The following CCDC171 variants were observed in gnomAD, a reference collection of about 807,000 sequenced individuals.
The protein encoded by CCDC171 is coiled-coil domain containing 171, also known as coiled-coil domain-containing protein 171.
Under a neutral mutation model 168.2 loss-of-function variants are expected in CCDC171, and 177 were observed. The ratio of observed to expected loss-of-function variants is 1.05; its 90% confidence interval spans 0.93 to 1.19. CCDC171 has a LOEUF of 1.19. CCDC171 is among the 50% of genes most tolerant of loss of function. The probability of loss-of-function intolerance (pLI) is 0.00; values close to 1 mark genes in which losing one functional copy is unlikely to be tolerated. For missense variants in CCDC171, 1,991 were observed against 1,539.0 expected, an observed-to-expected ratio of 1.29 and a Z score of -4.91; for synonymous variants, 687 against 540.8, an observed-to-expected ratio of 1.27 and a Z score of -3.75.
At chr9:15,644,911 G>C (rs374586532) in intron 7 of CCDC171, among the ~76,000 whole-genome samples, 16 of 152,318 alleles carry the variant, frequency 1.1e-4, no homozygotes, top group African/African-American at 3.8e-4. Context: ...TCCCAGCATG[G>C]AGTTTGAGAT....
chr9:15,808,037 A>C (rs1427504363), intron 21 of CCDC171, among the ~76,000 whole-genome samples: 1 of 151,912 alleles, frequency 6.6e-6, no homozygotes, highest in Non-Finnish European at 1.5e-5. Flanking sequence ...GGAAGGGTTA[A>C]TCTGGTTCCT....
At chr9:16,065,809 G>GGTGTGTGTGGGTGT (rs1833984260), downstream of CCDC171, among the ~76,000 whole-genome samples, 1 of 144,234 alleles carries the variant, frequency 6.9e-6, no homozygotes, top group African/African-American at 2.6e-5. Flanking sequence ...TTGTGTGCAT[G>GGTGTGTGTGGGTGT]GTGTGTGTGT....
intron 6 of CCDC171, among the ~76,000 whole-genome samples, chr9:15,612,762 T>C (rs955773836): frequency 2.6e-5 from 4 of 152,228 alleles, no homozygotes; most frequent in African/African-American, 9.6e-5. Context: ...TGCCATTCTT[T>C]GCAATTTCCT....
chr9:16,075,439 C>T, the CCDC171 span, among the ~76,000 whole-genome samples: 5,133 of 152,226 alleles, frequency 0.034, 274 homozygotes, highest in African/African-American at 0.11. Flanking sequence ...CTGTCTGTTA[C>T]GATAGATCTG....
intron 4 of CCDC171, among the ~76,000 whole-genome samples, chr9:16,020,946 C>A (rs951322263): frequency 1.3e-5 from 2 of 152,306 alleles, no homozygotes; most frequent in African/African-American, 4.8e-5. Context: ...AAATGAAGTT[C>A]TTCTCACAAG....
chr9:15,631,623 C>A (rs957308670), intron 7 of CCDC171, among the ~76,000 whole-genome samples: 3 of 152,224 alleles, frequency 2.0e-5, no homozygotes, highest in African/African-American at 7.2e-5. Context: ...CCTTCTGAAA[C>A]TATTCCAGTC....
At chr9:15,598,250 A>G (rs1018198283) in intron 6 of CCDC171, among the ~76,000 whole-genome samples, 3 of 151,706 alleles carry the variant, frequency 2.0e-5, no homozygotes, top group Non-Finnish European at 4.4e-5. Flanking sequence ...TAGGGTGTCA[A>G]TTTTAGATCT....
At chr9:16,081,708 A>G in the CCDC171 span, among the ~76,000 whole-genome samples, 1 of 152,122 alleles carries the variant, frequency 6.6e-6, no homozygotes, top group African/African-American at 2.4e-5. Flanking sequence ...CTTAATTGAC[A>G]CAGAACCTTA....
intron 16 of CCDC171, among the ~76,000 whole-genome samples, chr9:15,736,457 TC>T (rs996696555): frequency 6.6e-6 from 1 of 151,268 alleles, no homozygotes. Context: ...CTTAAGAGAT[TC>T]CCCCACCTCA....
Position 15,971,657 on chromosome 9 carries a change from C to A in CCDC171, c.3802C>A (p.Leu1268Ile). ...SNLSIPSRAP[L>I]PADTTGIGDF... is the part of the protein sequence containing the mutation. ...TCTCTCCATTCCTTCAAGAGCTCCT[C>A]TTCCTGCTGACACAACTGGTATTGG... is the stretch of plus-strand genomic sequence containing the variant. The change falls in exon 26 of 26, where the codon CTT (leucine) becomes ATT (isoleucine). Residue 1268 changes from leucine (L) to isoleucine (I), a missense_variant. Leu to Ile is a conservative substitution (Grantham distance 5). Transcript: ENST00000380701. The A allele has an allele frequency of 6.2e-7, 1 of 1,613,856 alleles. No individual in the cohort carries two copies. Among genetic ancestry groups the A allele is most frequent in the South Asian group, 1.1e-5 (1 of 91,076 alleles).
At chr9:15,617,242 C>G (rs1219293446) in intron 6 of CCDC171, among the ~76,000 whole-genome samples, 1 of 152,218 alleles carries the variant, frequency 6.6e-6, no homozygotes, top group African/African-American at 2.4e-5. Flanking sequence ...AGAGGTGTTG[C>G]GATCATTCGG....
chr9:15,806,787 C>T (rs2059102072), intron 21 of CCDC171, among the ~76,000 whole-genome samples: 2 of 152,034 alleles, frequency 1.3e-5, no homozygotes, highest in African/African-American at 4.8e-5. Flanking sequence ...AGTTTGGGGA[C>T]ATTTTCATTG....
intron 4 of CCDC171, chr9:15,588,577 C>G (rs1373594561): frequency 3.1e-6 from 1 of 324,662 alleles, no homozygotes; most frequent in Non-Finnish European, 6.2e-6. Flanking sequence ...CAAAACAGAC[C>G]AGGCACAGGA....
the CCDC171 span, among the ~76,000 whole-genome samples, chr9:16,066,851 C>A: frequency 6.7e-6 from 1 of 149,408 alleles, no homozygotes; most frequent in Non-Finnish European, 1.5e-5. Context: ...TTTCTTAATC[C>A]AGTCTATCAT....
intron 24 of CCDC171, among the ~76,000 whole-genome samples, chr9:15,879,995 T>C (rs1049385334): frequency 6.6e-6 from 1 of 152,192 alleles, no homozygotes; most frequent in East Asian, 1.9e-4. Flanking sequence ...TTTCTGATAA[T>C]AGAAGAAAGT....
chr9:15,973,552 A>G lies in CCDC171; in HGVS notation c.*1716A>G, dbSNP rs190116182. The G allele has an allele frequency of 7.3e-4, 111 of 152,296 alleles. No homozygotes were observed. The highest frequency in any genetic ancestry group is 2.5e-3 in the African/African-American group (102 of 41,576). 9.4% of individuals were successfully genotyped at this position (152,296 alleles called of 1,614,324 possible). On this transcript the variant is annotated 3_prime_UTR_variant, in exon 26 of 26. Transcript: ENST00000380701. The stretch of plus-strand genomic sequence containing the variant: ...TTATATAAAACTTTAGAAAGCTTAT[A>G]TGGAGTAAAATTATATCTTTAACCA...
chr9:15,618,021 G>A lies in CCDC171; in HGVS notation c.676-5246G>A, dbSNP rs542037516. 8.5e-5 allele frequency among the ~76,000 whole-genome samples: 13 copies of A among 152,322 alleles called. No individual in the cohort carries two copies. In the South Asian group the frequency reaches 2.3e-3, roughly 27 times the overall value. ...TTGAGGAGGCAGTCTGTCCTTAGGA[G>A]TGCGGGTGCGCTGTGCTGGGAGAAT... On this transcript the variant is annotated intron_variant, in intron 6 of 25. Coordinates refer to ENST00000380701, the MANE Select transcript of CCDC171 (RefSeq NM_173550.4).
intron 23 of CCDC171, among the ~76,000 whole-genome samples, chr9:15,854,466 A>G (rs2061269839): frequency 6.6e-6 from 1 of 151,558 alleles, no homozygotes; most frequent in Admixed American, 6.6e-5. Context: ...TTAGTAATTT[A>G]GTAACTTTTC....
rs766586907 is a variant in CCDC171 at position 15,744,275 on chromosome 9, A to G, written c.2052A>G (p.Lys684=). The G allele has an allele frequency of 6.3e-7, 1 of 1,577,702 alleles. No homozygotes were observed. The highest frequency in any genetic ancestry group is 8.6e-7 in the Non-Finnish European group (1 of 1,163,882). The change falls in exon 17 of 26, where the codon AAA becomes AAG. Residue 684 remains lysine, a splice_region_variant and synonymous_variant. Coordinates refer to ENST00000380701, the MANE Select transcript of CCDC171 (RefSeq NM_173550.4). Reference sequence around the variant, plus strand: ...ATATTTTTTGACTTCTTCCATAGAAATTTCAAGAAATTGCTGAAAAAAACA... The same window carrying G: ...ATATTTTTTGACTTCTTCCATAGAAGTTTCAAGAAATTGCTGAAAAAAACA... ...LFLEVQKRAQ[K]FQEIAEKNME...
Sources: gnomAD v4.1 joint callset for allele counts (sites outside exome capture counted in the v4.1 genomes callset) on GRCh38, gnomAD v4.1.1 for gene constraint, MANE v1.5 for transcripts, NCBI Gene and HGNC (gene_info 2026-07-23, HGNC 2026-07-21) for gene names.